The following CYYR1 variants were observed in gnomAD, a reference collection of about 807,000 sequenced individuals.
The protein encoded by CYYR1 is cysteine and tyrosine rich 1, also known as cysteine and tyrosine-rich protein 1.
A neutral mutation model predicts 15.2 loss-of-function variants in CYYR1; 14 were observed. The ratio of observed to expected loss-of-function variants is 0.92; its 90% confidence interval spans 0.61 to 1.44. The LOEUF is 1.44. CYYR1 is among the 40% of genes most tolerant of loss of function. CYYR1 has a pLI of 0.00. For synonymous variants in CYYR1, 80 were observed against 77.4 expected (o/e 1.03, Z -0.18); for missense variants, 228 against 209.5 (o/e 1.09, Z -0.54).
At chr21:26,556,602 G>A (rs1216224219) in intron 2 of CYYR1, among the ~76,000 whole-genome samples, 1 of 152,084 alleles carries the variant, frequency 6.6e-6, no homozygotes, top group Non-Finnish European at 1.5e-5. Flanking sequence ...ATGGCAGACG[G>A]TGAAGGGGAA....
At chr21:26,477,046 C>T (rs1262147599) in intron 3 of CYYR1, among the ~76,000 whole-genome samples, 1 of 152,112 alleles carries the variant, frequency 6.6e-6, no homozygotes, top group African/African-American at 2.4e-5. Context: ...AGCTGAATGA[C>T]ACTGTTTTCA....
intron 2 of CYYR1, chr21:26,551,417 G>A (rs1288810567): frequency 6.5e-6 from 1 of 152,676 alleles, no homozygotes; most frequent in South Asian, 2.1e-4. Context: ...TCCTGTGATG[G>A]ATCCGGGCAA....
At position 26,537,320 on chromosome 21, in the gene CYYR1, G is replaced by A. The variant is rs149352083; in HGVS notation, c.176+28946C>T. The stretch of plus-strand genomic sequence containing the variant: ...TCTGCTTTACCTATCCTGTTCTTTC[G>A]TGTAACAATCCTTTTTTTGCTTCAC... On this transcript the variant is annotated intron_variant, in intron 2 of 3. Coordinates refer to ENST00000652641, the MANE Select transcript of CYYR1 (RefSeq NM_001320768.2). 7.9e-5 allele frequency among the ~76,000 whole-genome samples: 12 copies of A among 152,208 alleles called. No homozygotes were observed. In the South Asian group the frequency reaches 1.0e-3, roughly 13 times the overall value.
Position 26,559,405 on chromosome 21 carries a change from T to C in CYYR1, c.176+6861A>G, listed in dbSNP as rs182997220. Among the ~76,000 whole-genome samples the C allele has an allele frequency of 3.2e-4, 48 of 152,304 alleles. 1 individual carries two copies. The highest frequency in any genetic ancestry group is 1.1e-3 in the African/African-American group (47 of 41,580). On this transcript the variant is annotated intron_variant, in intron 2 of 3. Coordinates refer to ENST00000652641, the MANE Select transcript of CYYR1 (RefSeq NM_001320768.2). ...TTTATCTAGGAATTCTGTTGCTCTC[T>C]ATATTAAAAATTTTAAAAATCAAGA...
chr21:26,526,367 G>T (rs1718514491), intron 2 of CYYR1, among the ~76,000 whole-genome samples: 1 of 152,126 alleles, frequency 6.6e-6, no homozygotes, highest in African/African-American at 2.4e-5. Context: ...AGATTCGCTT[G>T]AAACTGGGAG....
rs114858176 is a variant in CYYR1, at chr21:26,508,130, T to C, written c.177-27701A>G. ...TTAGAGAAGGCAAGAAAATATCCCA[T>C]GAGAGGGCATGGCATTTGCAGTCAC... is the stretch of plus-strand genomic sequence containing the variant. On this transcript the variant is annotated intron_variant, in intron 2 of 3. Coordinates refer to ENST00000652641, the MANE Select transcript of CYYR1 (RefSeq NM_001320768.2). Among the ~76,000 whole-genome samples the C allele has an allele frequency of 2.6e-3, 401 of 152,246 alleles. 1 individual carries two copies. Among genetic ancestry groups the C allele is most frequent in the African/African-American group, 9.0e-3 (373 of 41,540 alleles).
chr21:26,557,111 C>T (rs923811549), intron 2 of CYYR1, among the ~76,000 whole-genome samples: 5 of 152,134 alleles, frequency 3.3e-5, no homozygotes, highest in South Asian at 2.1e-4. Flanking sequence ...CTCATCTGAA[C>T]AGACAGGAAT....
intron 2 of CYYR1, among the ~76,000 whole-genome samples, chr21:26,544,350 T>C (rs571238139): frequency 2.7e-4 from 41 of 152,312 alleles, no homozygotes; most frequent in Admixed American, 9.2e-4. Flanking sequence ...ACACAGAACC[T>C]GACCAGGATT....
rs761229494 is a variant in CYYR1 at position 26,564,848 on chromosome 21, G to GA, written c.176+1417dup. 3.8e-3 allele frequency: 4,311 copies of GA among 1,129,880 alleles called. 8 individuals carry two copies. Among genetic ancestry groups the GA allele is most frequent in the African/African-American group, 0.021 (1,286 of 61,484 alleles). The allele number at this position is 1,129,880 out of a possible 1,614,324, so 70.0% of individuals were successfully genotyped here. A position where few individuals can be genotyped will look rare whatever the true frequency, so the allele number is the denominator to read the frequency against. On this transcript the variant is annotated intron_variant, in intron 2 of 3. Coordinates refer to ENST00000652641, the MANE Select transcript of CYYR1 (RefSeq NM_001320768.2). ...CATCTGGTATGTGGAGACAGTTTGAGAAAAAAAAAATTTAAATTTATTAAT... is the reference window on the plus strand; with the variant it reads ...CATCTGGTATGTGGAGACAGTTTGAGAAAAAAAAAAATTTAAATTTATTAAT...
chr21:26,508,091 G>A (rs529157037), intron 2 of CYYR1, among the ~76,000 whole-genome samples: 12 of 152,298 alleles, frequency 7.9e-5, no homozygotes, highest in African/African-American at 2.9e-4. Context: ...CTGAAAGCAA[G>A]AGAAAGTTGC....
intron 3 of CYYR1, among the ~76,000 whole-genome samples, chr21:26,480,059 A>C (rs956512447): frequency 2.2e-4 from 33 of 152,206 alleles, no homozygotes; most frequent in African/African-American, 8.0e-4. Context: ...ACAGACATTA[A>C]AAATATGAAT....
intron 3 of CYYR1, 104 bp downstream of exon 3, chr21:26,480,165 GAAA>G: frequency 1.8e-6 from 2 of 1,134,072 alleles, no homozygotes; most frequent in Non-Finnish European, 2.5e-6. Context: ...AATACTCTAT[GAAA>G]TTGAAGGTGG....
chr21:26,522,745 A>G (rs1318960929), intron 2 of CYYR1, among the ~76,000 whole-genome samples: 2 of 151,538 alleles, frequency 1.3e-5, no homozygotes, highest in African/African-American at 4.9e-5. Flanking sequence ...ATGATCATAT[A>G]CAGTGAAAAA....
At chr21:26,504,231 T>TTTAC (rs912692973) in intron 2 of CYYR1, among the ~76,000 whole-genome samples, 1 of 151,804 alleles carries the variant, frequency 6.6e-6, no homozygotes, top group Non-Finnish European at 1.5e-5. Flanking sequence ...GATGTATTTA[T>TTTAC]TTATTTATTT....
chr21:26,495,441 A>G (rs75085295), intron 2 of CYYR1, among the ~76,000 whole-genome samples: 2 of 152,310 alleles, frequency 1.3e-5, no homozygotes, highest in East Asian at 1.9e-4. Context: ...AAAGAAAGTG[A>G]TGTTTACTTC....
chr21:26,552,305 G>A (rs971082156), intron 2 of CYYR1, among the ~76,000 whole-genome samples: 2 of 152,040 alleles, frequency 1.3e-5, no homozygotes, highest in African/African-American at 2.4e-5. Context: ...ATTGTACTTT[G>A]TCAGCCACTC....
chr21:26,554,758 T>C (rs976355536), intron 2 of CYYR1, among the ~76,000 whole-genome samples: 2 of 152,090 alleles, frequency 1.3e-5, no homozygotes, highest in Non-Finnish European at 2.9e-5. Context: ...GTTTTATTTA[T>C]TTTATTTTTT....
At chr21:26,469,858 G>T (rs2065013597) in intron 3 of CYYR1, among the ~76,000 whole-genome samples, 1 of 151,810 alleles carries the variant, frequency 6.6e-6, no homozygotes, top group Non-Finnish European at 1.5e-5. Flanking sequence ...AGTCTATTTT[G>T]TAGTGGTTTC....
intron 2 of CYYR1, among the ~76,000 whole-genome samples, chr21:26,559,463 A>G (rs777474221): frequency 7.9e-5 from 12 of 152,214 alleles, no homozygotes; most frequent in Non-Finnish European, 1.6e-4. Flanking sequence ...TCACCATTTT[A>G]AAGTGTACAG....
Sources: gnomAD v4.1 joint callset for allele counts (sites outside exome capture counted in the v4.1 genomes callset) on GRCh38, gnomAD v4.1.1 for gene constraint, MANE v1.5 for transcripts, NCBI Gene and HGNC (gene_info 2026-07-23, HGNC 2026-07-21) for gene names.